Variants in NDE1 observed in about 807,000 individuals in gnomAD.
The protein encoded by NDE1 is nudE neurodevelopment protein 1.
In NDE1, 28 loss-of-function variants were observed where a neutral mutation model predicts 43.4. The ratio of observed to expected loss-of-function variants is 0.65; its 90% CI spans 0.48 to 0.89. The LOEUF is 0.89. Among genes scored for constraint, NDE1 ranks in the 40% least tolerant of loss-of-function variants. The pLI is 0.00. For missense variants in NDE1, 441 were observed against 434.1 expected, an observed-to-expected ratio of 1.02 and a Z score of -0.14; for synonymous variants, 184 against 172.0, an observed-to-expected ratio of 1.07 and a Z score of -0.55.
chr16:15,724,226 C>T lies in NDE1; in HGVS notation c.983C>T (p.Thr328Ile). 1 of 1,614,186 alleles carries T rather than the reference C, an allele frequency of 6.2e-7. No homozygotes were observed. The highest frequency in any genetic ancestry group is 8.5e-7 in the Non-Finnish European group (1 of 1,180,048). Residue 328 changes from threonine to isoleucine, a missense_variant, in exon 9 of 9, where the codon ACA (threonine) becomes ATA (isoleucine). Physicochemically the swap from Thr to Ile is moderately conservative, Grantham distance 89. Coordinates refer to ENST00000396354, the MANE Select transcript of NDE1 (RefSeq NM_017668.3). Reference sequence around the variant, plus strand: ...AGTTGCCGCTGGTTGTCCAAATCAACAACCAGGTCGTCCAGCTCCTGCTGA... The same window carrying T: ...AGTTGCCGCTGGTTGTCCAAATCAATAACCAGGTCGTCCAGCTCCTGCTGA... The part of the protein sequence containing the change: ...DTSCRWLSKS[T>I]TRSSSSC
chr16:15,718,365 G>A, intron 8 of NDE1: 1 of 1,607,928 alleles, frequency 6.2e-7, no homozygotes, highest in Non-Finnish European at 8.5e-7. Flanking sequence ...ATGTTGCCCT[G>A]CTCCTCCTCC....
chr16:15,676,711 C>CGGAGT lies in NDE1; in HGVS notation c.238-1088_238-1084dup, dbSNP rs2037899981. Among the ~76,000 whole-genome samples the CGGAGT allele has an allele frequency of 2.6e-5, 4 of 151,528 alleles. No individual in the cohort carries two copies. The South Asian group carries it at 8.3e-4, about 32-fold the overall frequency. On this transcript the variant is annotated intron_variant, in intron 3 of 8. Transcript: ENST00000396354. ...TGAGGCAGCAGGGAGTTGCCCAGGC[C>CGGAGT]GGAGTGCAGTGGTGCCTTCACAGCC...
intron 3 of NDE1, among the ~76,000 whole-genome samples, chr16:15,676,302 C>A (rs1312580235): frequency 6.7e-6 from 1 of 149,528 alleles, no homozygotes; most frequent in African/African-American, 2.5e-5. Flanking sequence ...CTCCGCCTCC[C>A]GTGTTCAAGC....
chr16:15,675,049 T>G (rs770597094), intron 3 of NDE1, among the ~76,000 whole-genome samples: 6 of 152,114 alleles, frequency 3.9e-5, no homozygotes, highest in Non-Finnish European at 7.4e-5. Flanking sequence ...GTCTGAAGAT[T>G]GCTGGGGGCT....
intron 8 of NDE1, among the ~76,000 whole-genome samples, chr16:15,699,405 G>A (rs528131532): frequency 4.3e-4 from 66 of 151,984 alleles, no homozygotes; most frequent in Non-Finnish European, 8.2e-4. Flanking sequence ...GACTACACAT[G>A]CAGGCCACCA....
In NDE1 at chr16:15,694,172, C is replaced by G; in HGVS notation, c.711C>G (p.Asp237Glu). The change falls in exon 7 of 9, where the codon GAC becomes GAG. Residue 237 changes from aspartate (D) to glutamate (E), a missense_variant. Coordinates refer to ENST00000396354, the MANE Select transcript of NDE1 (RefSeq NM_017668.3). ...NTPGSFRRGLDDSTGGTPLTP... is the reference protein window; with the variant it reads ...NTPGSFRRGLEDSTGGTPLTP... ...TTCCCTTTGCACACCCAGGCCTGGA[C>G]GACTCCACCGGGGGGACCCCCCTCA... The G allele has an allele frequency of 4.3e-6, 7 of 1,612,606 alleles. No homozygotes were observed. Among genetic ancestry groups the G allele is most frequent in the Non-Finnish European group, 5.9e-6 (7 of 1,179,990 alleles).
intron 8 of NDE1, chr16:15,714,736 T>A: frequency 1.2e-6 from 1 of 836,020 alleles, no homozygotes; most frequent in Non-Finnish European, 1.9e-6. Flanking sequence ...CCGGGTCTGA[T>A]CTCAGTGCCT....
chr16:15,710,102 G>A (rs1400913676), intron 8 of NDE1, among the ~76,000 whole-genome samples: 1 of 152,190 alleles, frequency 6.6e-6, no homozygotes, highest in Non-Finnish European at 1.5e-5. Flanking sequence ...CCTTCCACCT[G>A]CATTATGTGT....
chr16:15,686,054 C>T lies in NDE1; in HGVS notation c.387-1321C>T, dbSNP rs138380320. 1.5e-3 allele frequency among the ~76,000 whole-genome samples: 230 copies of T among 151,626 alleles called. 8 individuals are homozygous for T. In the East Asian group the frequency reaches 0.043, roughly 28 times the overall value. ...GCAACATTCACCTTCTGGGTTCAAGCGATTCTCCTGTCTCACCCTCCCGAG... is the reference window on the plus strand; with the variant it reads ...GCAACATTCACCTTCTGGGTTCAAGTGATTCTCCTGTCTCACCCTCCCGAG... On this transcript the variant is annotated intron_variant, in intron 4 of 8. Transcript: ENST00000396354.
At chr16:15,707,681 C>A (rs1247313235) in intron 8 of NDE1, among the ~76,000 whole-genome samples, 1 of 152,176 alleles carries the variant, frequency 6.6e-6, no homozygotes, top group East Asian at 1.9e-4. Flanking sequence ...ATCCACATGG[C>A]CTAACTTCAC....
intron 5 of NDE1, among the ~76,000 whole-genome samples, chr16:15,689,974 G>A (rs1212517843): frequency 6.6e-6 from 1 of 151,536 alleles, no homozygotes; most frequent in African/African-American, 2.4e-5. Flanking sequence ...GAGAACAATG[G>A]TTGAAAAGCT....
chr16:15,654,147 A>G (rs1476445188), intron 1 of NDE1, among the ~76,000 whole-genome samples: 1 of 152,122 alleles, frequency 6.6e-6, no homozygotes, highest in Non-Finnish European at 1.5e-5. Context: ...TTGTCTACAG[A>G]GCTGCTGGGG....
intron 3 of NDE1, among the ~76,000 whole-genome samples, chr16:15,673,637 G>A (rs1312602331): frequency 6.6e-6 from 1 of 151,466 alleles, no homozygotes; most frequent in South Asian, 2.1e-4. Context: ...GCCTCAAGCA[G>A]TCCTCCCACC....
At chr16:15,718,182 G>T in intron 8 of NDE1, 1 of 1,438,208 alleles carries the variant, frequency 7.0e-7, no homozygotes, top group Non-Finnish European at 9.6e-7. Flanking sequence ...TCTACTCTCA[G>T]GCCCCACCAC....
chr16:15,694,030 G>C (rs1051845860), intron 6 of NDE1, 135 bp from the exon 7 acceptor site: 48 of 1,070,738 alleles, frequency 4.5e-5, no homozygotes, highest in Non-Finnish European at 5.4e-5. Context: ...ACTACGGAAA[G>C]AAATAGGGTA....
At chr16:15,720,758 T>C in intron 8 of NDE1, 1 of 1,460,014 alleles carries the variant, frequency 6.8e-7, no homozygotes, top group East Asian at 2.3e-5. Flanking sequence ...AAACGAAGTT[T>C]CCACACCAAC....
intron 1 of NDE1, among the ~76,000 whole-genome samples, chr16:15,654,329 A>G (rs1227685711): frequency 6.6e-6 from 1 of 151,858 alleles, no homozygotes; most frequent in East Asian, 1.9e-4. Flanking sequence ...GCCGGGTGCA[A>G]TGGCTCACAC....
intron 8 of NDE1, chr16:15,697,140 T>C: frequency 1.2e-6 from 1 of 865,518 alleles, no homozygotes; most frequent in Non-Finnish European, 1.4e-6. Context: ...GCCTCCCAGC[T>C]CAAACGATCC....
intron 1 of NDE1, among the ~76,000 whole-genome samples, chr16:15,652,402 A>G (rs961909342): frequency 7.9e-5 from 12 of 152,142 alleles, no homozygotes; most frequent in Admixed American, 5.9e-4. Context: ...TTTTCCTCAC[A>G]AGGTAATTTC....
Sources: gnomAD v4.1 joint callset for allele counts (sites outside exome capture counted in the v4.1 genomes callset) on GRCh38, gnomAD v4.1.1 for gene constraint, MANE v1.5 for transcripts, NCBI Gene and HGNC (gene_info 2026-07-23, HGNC 2026-07-21) for gene names.